Variants in CADM2 observed in about 807,000 individuals in gnomAD.
The protein encoded by CADM2 is immunoglobulin superfamily member 4D.
Under a neutral mutation model 49.8 loss-of-function variants are expected in CADM2, and 12 were observed. That is an observed-to-expected ratio of 0.24 (90% CI 0.15 to 0.39). The LOEUF (loss-of-function observed/expected upper bound fraction) is 0.39, where lower values mean the gene tolerates loss of function less well. Ranked by LOEUF, CADM2 falls within the 10% of genes least tolerant of loss-of-function variation. The probability of loss-of-function intolerance (pLI) is 1.00; values close to 1 mark genes in which losing one functional copy is unlikely to be tolerated. For missense variants in CADM2, 378 were observed against 492.3 expected, an observed-to-expected ratio of 0.77 and a Z score of 2.20; for synonymous variants, 214 against 175.4, an observed-to-expected ratio of 1.22 and a Z score of -1.74.
intron 1 of CADM2, among the ~76,000 whole-genome samples, chr3:85,447,903 C>G (rs2037545213): frequency 6.6e-6 from 1 of 152,048 alleles, no homozygotes; most frequent in African/African-American, 2.4e-5. Context: ...TCTTATTTGT[C>G]TTTGGCTAAG....
chr3:85,288,478 C>A (rs1362857501), intron 1 of CADM2, among the ~76,000 whole-genome samples: 1 of 151,920 alleles, frequency 6.6e-6, no homozygotes, highest in South Asian at 2.1e-4. Context: ...ACAAGGTAAG[C>A]ACTTTTAAAC....
At chr3:84,977,642 T>C (rs960750088) in intron 1 of CADM2, among the ~76,000 whole-genome samples, 3 of 152,102 alleles carry the variant, frequency 2.0e-5, no homozygotes, top group African/African-American at 7.2e-5. Flanking sequence ...CCTCTTATTA[T>C]AGCTTTGCAG....
chr3:85,124,518 TCCTTTGAG>T (rs1288478427), intron 1 of CADM2, among the ~76,000 whole-genome samples: 2 of 151,990 alleles, frequency 1.3e-5, no homozygotes, highest in African/African-American at 2.4e-5. Context: ...GGCAGGAGGA[TCCTTTGAG>T]CCCAGGAATT....
chr3:85,435,457 A>G (rs1341987185), intron 1 of CADM2, among the ~76,000 whole-genome samples: 1 of 152,176 alleles, frequency 6.6e-6, no homozygotes, highest in Admixed American at 6.5e-5. Flanking sequence ...TTCTATTGTG[A>G]ATAGTGCTGC....
chr3:85,050,262 A>AGGAG (rs1427262111), intron 1 of CADM2, among the ~76,000 whole-genome samples: 1 of 152,128 alleles, frequency 6.6e-6, no homozygotes. Context: ...CTTAGAACCC[A>AGGAG]GGAGTAAAAG....
intron 1 of CADM2, among the ~76,000 whole-genome samples, chr3:85,607,609 A>G (rs554001054): frequency 1.3e-5 from 2 of 152,242 alleles, no homozygotes; most frequent in South Asian, 2.1e-4. Context: ...CTGTATCACA[A>G]CATTACCTAT....
intron 5 of CADM2, among the ~76,000 whole-genome samples, chr3:85,890,966 G>A (rs1396740145): frequency 6.6e-6 from 1 of 152,172 alleles, no homozygotes; most frequent in East Asian, 1.9e-4. Flanking sequence ...TGTCATGAAA[G>A]AGCTTTTATT....
intron 1 of CADM2, among the ~76,000 whole-genome samples, chr3:85,268,652 C>CA (rs199706305): frequency 0.028 from 4,261 of 151,118 alleles, 185 homozygotes; most frequent in African/African-American, 0.097. Context: ...ACTTAAAATT[C>CA]AAAAAAATGT....
chr3:84,989,877 C>T (rs1196302274), intron 1 of CADM2, among the ~76,000 whole-genome samples: 1 of 151,628 alleles, frequency 6.6e-6, no homozygotes, highest in Non-Finnish European at 1.5e-5. Context: ...CATTCTTCCA[C>T]CTACAGGTTT....
At chr3:85,930,522 G>C (rs1245775879) in intron 6 of CADM2, among the ~76,000 whole-genome samples, 1 of 151,962 alleles carries the variant, frequency 6.6e-6, no homozygotes, top group Non-Finnish European at 1.5e-5. Context: ...TCACTTCCTT[G>C]TGCTATCAAA....
intron 1 of CADM2, among the ~76,000 whole-genome samples, chr3:85,269,639 G>T (rs1214103374): frequency 6.6e-6 from 1 of 151,176 alleles, no homozygotes; most frequent in East Asian, 2.0e-4. Flanking sequence ...CTGAGTCAGA[G>T]ATCATTCTAC....
At chr3:85,522,752 A>C (rs886650928) in intron 1 of CADM2, among the ~76,000 whole-genome samples, 1 of 152,016 alleles carries the variant, frequency 6.6e-6, no homozygotes, top group African/African-American at 2.4e-5. Context: ...CTAAAATAGG[A>C]AGGGAGAAAG....
chr3:85,377,587 G>T (rs2033666085), intron 1 of CADM2, among the ~76,000 whole-genome samples: 1 of 151,992 alleles, frequency 6.6e-6, no homozygotes, highest in Admixed American at 6.6e-5. Context: ...TTGCCCAATG[G>T]AAACATGAAA....
intron 1 of CADM2, among the ~76,000 whole-genome samples, chr3:85,096,548 T>G (rs1201893543): frequency 6.6e-6 from 1 of 152,122 alleles, no homozygotes; most frequent in Non-Finnish European, 1.5e-5. Flanking sequence ...TGAAAGTTAA[T>G]TTATCTATAA....
intron 1 of CADM2, among the ~76,000 whole-genome samples, chr3:85,310,971 G>A (rs1212171283): frequency 1.3e-5 from 2 of 152,110 alleles, no homozygotes; most frequent in South Asian, 2.1e-4. Context: ...CTATGCTAGA[G>A]GCCAATAATG....
chr3:85,336,726 T>G lies in CADM2; in HGVS notation c.61+377058T>G, dbSNP rs78590592. 6.8e-3 allele frequency among the ~76,000 whole-genome samples: 1,028 copies of G among 150,496 alleles called. 72 individuals are homozygous for G. The East Asian group carries it at 0.13, about 19-fold the overall frequency. ...GGTCAATATAAAATTTTTCATGTTT[T>G]TCCTTCTGAGAGTTAAAAATAAAAA... On this transcript the variant is annotated intron_variant, in intron 1 of 9. Coordinates refer to ENST00000383699, the MANE Select transcript of CADM2 (RefSeq NM_001167675.2).
At chr3:85,770,163 A>G (rs901613692) in intron 2 of CADM2, among the ~76,000 whole-genome samples, 2 of 152,112 alleles carry the variant, frequency 1.3e-5, no homozygotes, top group Non-Finnish European at 2.9e-5. Flanking sequence ...CTGAAAGATA[A>G]TAAAGTAAAA....
At chr3:85,861,042 G>A (rs1362381527) in intron 3 of CADM2, among the ~76,000 whole-genome samples, 1 of 152,162 alleles carries the variant, frequency 6.6e-6, no homozygotes, top group Non-Finnish European at 1.5e-5. Flanking sequence ...GCCCAGTGCA[G>A]TGGATCACTA....
chr3:85,693,939 A>C (rs929403331), intron 1 of CADM2, among the ~76,000 whole-genome samples: 2 of 151,890 alleles, frequency 1.3e-5, no homozygotes, highest in East Asian at 1.9e-4. Flanking sequence ...AAGAAAAGAA[A>C]AATCAGAAGA....
Sources: allele counts gnomAD v4.1 joint callset (sites outside exome capture counted in the v4.1 genomes callset), GRCh38; gene constraint gnomAD v4.1.1; transcripts MANE v1.5; gene names NCBI Gene and HGNC (gene_info 2026-07-23, HGNC 2026-07-21).